Variants in ZNF638 observed in about 807,000 individuals in gnomAD.
ZNF638 encodes the protein CTCL tumor antigen se33-1.
A neutral mutation model predicts 195.6 loss-of-function variants in ZNF638; 46 were observed. That is an observed-to-expected ratio of 0.24 (90% CI 0.19 to 0.30). The LOEUF is 0.30. ZNF638 is among the 10% of genes least tolerant of loss of function. The pLI is 1.00. For missense variants in ZNF638, 2,440 were observed against 2,325.3 expected (o/e 1.05, Z -1.01); for synonymous variants, 845 against 772.0 (o/e 1.09, Z -1.57).
chr2:71,357,637 A>G (rs1045158280), intron 3 of ZNF638, among the ~76,000 whole-genome samples: 2 of 152,198 alleles, frequency 1.3e-5, no homozygotes, highest in East Asian at 1.9e-4. Flanking sequence ...CAGCATGTAT[A>G]TATCTATTAA....
At chr2:71,381,933 G>C (rs1273711099) in intron 10 of ZNF638, among the ~76,000 whole-genome samples, 1 of 152,030 alleles carries the variant, frequency 6.6e-6, no homozygotes, top group Non-Finnish European at 1.5e-5. Context: ...TGGATAAATT[G>C]GAGAGATGTA....
At chr2:71,403,546 A>G (rs1420786008) in intron 16 of ZNF638, among the ~76,000 whole-genome samples, 1 of 152,178 alleles carries the variant, frequency 6.6e-6, no homozygotes, top group East Asian at 1.9e-4. Context: ...TATCTGCTAC[A>G]TGCCAGATAC....
rs543428113 is a variant in ZNF638 at position 71,377,273 on chromosome 2, G to A, written c.2266-2949G>A. Reference sequence around the variant, plus strand: ...GGGGATGATCAGGAGCCCTTGATGTGGAAAAAAGTAGGATCAGATTTCTAA... The same window carrying A: ...GGGGATGATCAGGAGCCCTTGATGTAGAAAAAAGTAGGATCAGATTTCTAA... On this transcript the variant is annotated intron_variant, in intron 8 of 27. Coordinates refer to ENST00000264447, the MANE Select transcript of ZNF638 (RefSeq NM_014497.5). 1.7e-4 allele frequency among the ~76,000 whole-genome samples: 26 copies of A among 152,056 alleles called. No homozygotes were observed. The South Asian group carries it at 5.4e-3, about 32-fold the overall frequency.
chr2:71,424,145 A>G (rs943813719), intron 22 of ZNF638, 107 bp downstream of exon 22: 10 of 1,413,414 alleles, frequency 7.1e-6, no homozygotes, highest in Non-Finnish European at 9.4e-6. Context: ...TCATCTCCTC[A>G]CTCTACCCCG....
At chr2:71,333,745 T>G (rs2078614511) in intron 1 of ZNF638, among the ~76,000 whole-genome samples, 1 of 41,340 alleles carries the variant, frequency 2.4e-5, no homozygotes, top group South Asian at 5.6e-4. Flanking sequence ...ATTTTAGTCT[T>G]TCTTGAGCTT....
chr2:71,420,157 G>A (rs968061949), intron 21 of ZNF638, among the ~76,000 whole-genome samples: 1 of 151,114 alleles, frequency 6.6e-6, no homozygotes, highest in African/African-American at 2.4e-5. Flanking sequence ...TGAACTCCTG[G>A]GCACAAGCTG....
At chr2:71,372,624 G>T (rs1255029581) in intron 8 of ZNF638, among the ~76,000 whole-genome samples, 1 of 152,172 alleles carries the variant, frequency 6.6e-6, no homozygotes, top group Non-Finnish European at 1.5e-5. Context: ...TTGATATTTG[G>T]TTCTTGTGAT....
intron 10 of ZNF638, among the ~76,000 whole-genome samples, chr2:71,391,976 T>C (rs544558570): frequency 3.3e-5 from 5 of 152,308 alleles, no homozygotes; most frequent in South Asian, 2.1e-4. Flanking sequence ...GGGCTGCGCT[T>C]CCTAGAATGT....
intron 10 of ZNF638, chr2:71,380,788 G>T: frequency 5.2e-6 from 2 of 387,728 alleles, no homozygotes; most frequent in East Asian, 4.1e-5. Flanking sequence ...TAATGTATGT[G>T]AAATAGCTAT....
In ZNF638 at chr2:71,348,839, C is replaced by A; in HGVS notation, c.-116C>A. The A allele has an allele frequency of 6.2e-7, 1 of 1,607,618 alleles. No individual in the cohort carries two copies. Among genetic ancestry groups the A allele is most frequent in the South Asian group, 1.1e-5 (1 of 90,062 alleles). The stretch of plus-strand genomic sequence containing the variant: ...AACCCACTTCTGTTGGGCCCATCTC[C>A]TTTGCACTTTGCTCAGATTAAGACT... On this transcript the variant is annotated 5_prime_UTR_variant, in exon 2 of 28. Transcript: ENST00000264447.
rs180924150 is a variant in ZNF638, at chr2:71,338,521, A to T, written c.-203+6646A>T. Among the ~76,000 whole-genome samples, 364 of 152,334 alleles carry T rather than the reference A, an allele frequency of 2.4e-3. 1 individual carries two copies. Among genetic ancestry groups the T allele is most frequent in the African/African-American group, 8.5e-3 (352 of 41,572 alleles). Reference sequence around the variant, plus strand: ...ATTTACTTACTTGCTCAAACTTATGATGTATCTAAAGTAGTTTCAGAATTG... The same window carrying T: ...ATTTACTTACTTGCTCAAACTTATGTTGTATCTAAAGTAGTTTCAGAATTG... On this transcript the variant is annotated intron_variant, in intron 1 of 27. Coordinates refer to ENST00000264447, the MANE Select transcript of ZNF638 (RefSeq NM_014497.5).
At chr2:71,407,323 C>T (rs777690363) in intron 19 of ZNF638, 1 of 152,100 alleles carries the variant, frequency 6.6e-6, no homozygotes, top group Non-Finnish European at 1.5e-5. Flanking sequence ...GAATTCTGAA[C>T]CTTTCTTGTA....
At chr2:71,335,959 C>T (rs2078659267) in intron 1 of ZNF638, among the ~76,000 whole-genome samples, 1 of 152,128 alleles carries the variant, frequency 6.6e-6, no homozygotes, top group African/African-American at 2.4e-5. Flanking sequence ...TCTATAAACT[C>T]CCCACCTACC....
At chr2:71,346,139 G>C (rs1312776428) in intron 1 of ZNF638, among the ~76,000 whole-genome samples, 1 of 152,162 alleles carries the variant, frequency 6.6e-6, no homozygotes, top group Non-Finnish European at 1.5e-5. Context: ...TTCTTTTGCT[G>C]TTTTATTTTG....
intron 1 of ZNF638, among the ~76,000 whole-genome samples, chr2:71,344,190 T>A (rs1261860360): frequency 2.0e-5 from 3 of 152,218 alleles, no homozygotes; most frequent in African/African-American, 7.2e-5. Context: ...ATTCTGAAAC[T>A]CTCTCCAACC....
In ZNF638 at chr2:71,434,798, C is replaced by G. The variant is rs1409696270; in HGVS notation, c.5928C>G (p.Ser1976Arg). Reference protein sequence around the residue: ...EKEQNEAEERSSR With the variant: ...EKEQNEAEERRSR Reference sequence around the variant, plus strand: ...AGCAGAATGAGGCTGAAGAAAGAAGCTCTAGGTGATTGGGGGAAAGGAAAG... The same window carrying G: ...AGCAGAATGAGGCTGAAGAAAGAAGGTCTAGGTGATTGGGGGAAAGGAAAG... Residue 1976 changes from serine to arginine, a missense_variant, in exon 28 of 28, where the codon AGC becomes AGG. Transcript: ENST00000264447. The G allele has an allele frequency of 1.5e-5, 24 of 1,604,382 alleles. No homozygotes were observed. Among genetic ancestry groups the G allele is most frequent in the Admixed American group, 6.9e-5 (4 of 57,876 alleles).
intron 22 of ZNF638, 79 bp from the exon 23 acceptor site, chr2:71,424,571 G>GTTTT: frequency 1.7e-6 from 2 of 1,185,592 alleles, no homozygotes; most frequent in Non-Finnish European, 1.2e-6. Context: ...GTTTTTTTTT[G>GTTTT]TTTTTTGTTT....
chr2:71,367,888 G>A (rs1253369936), intron 6 of ZNF638, among the ~76,000 whole-genome samples: 3 of 151,966 alleles, frequency 2.0e-5, no homozygotes, highest in African/African-American at 4.8e-5. Flanking sequence ...TAACGTAAGC[G>A]GTAAAGTTGA....
chr2:71,408,366 G>A, intron 20 of ZNF638, 119 bp downstream of exon 20: 2 of 1,234,440 alleles, frequency 1.6e-6, no homozygotes, highest in Non-Finnish European at 1.1e-6. Flanking sequence ...AATTTGTGTT[G>A]CAATCAGTGT....
Sources: gnomAD v4.1 joint callset for allele counts (sites outside exome capture counted in the v4.1 genomes callset) on GRCh38, gnomAD v4.1.1 for gene constraint, MANE v1.5 for transcripts, NCBI Gene and HGNC (gene_info 2026-07-23, HGNC 2026-07-21) for gene names.